Variants in SFT2D1 observed in about 807,000 individuals in gnomAD.
The protein encoded by SFT2D1 is vesicle transport protein SFT2A.
In SFT2D1, 24 loss-of-function variants were observed where a neutral mutation model predicts 28.1. The ratio of observed to expected loss-of-function variants is 0.85; its 90% CI spans 0.62 to 1.20. The LOEUF (loss-of-function observed/expected upper bound fraction) is 1.20. SFT2D1 is among the 50% of genes most tolerant of loss of function. The probability of loss-of-function intolerance (pLI) is 0.00; values close to 1 mark genes in which losing one functional copy is unlikely to be tolerated. For missense variants in SFT2D1, 181 were observed against 190.9 expected, an observed-to-expected ratio of 0.95 and a Z score of 0.31; for synonymous variants, 82 against 73.7, an observed-to-expected ratio of 1.11 and a Z score of -0.58.
chr6:166,338,047 C>T (rs1284788051), intron 1 of SFT2D1, among the ~76,000 whole-genome samples: 1 of 152,134 alleles, frequency 6.6e-6, no homozygotes, highest in Non-Finnish European at 1.5e-5. Context: ...CATGAGTGCA[C>T]CTTGATCTCT....
intron 1 of SFT2D1, among the ~76,000 whole-genome samples, chr6:166,339,694 C>G (rs534944489): frequency 6.6e-6 from 1 of 152,222 alleles, no homozygotes; most frequent in East Asian, 1.9e-4. Context: ...CATCCCCTTC[C>G]TAAAGCACTC....
chr6:166,322,473 C>T (rs986239530), intron 7 of SFT2D1, among the ~76,000 whole-genome samples: 4 of 151,868 alleles, frequency 2.6e-5, no homozygotes, highest in African/African-American at 9.7e-5. Context: ...GGTAGGATCA[C>T]AAAGTCAGGA....
intron 3 of SFT2D1, among the ~76,000 whole-genome samples, chr6:166,329,209 C>T (rs888518367): frequency 1.3e-5 from 2 of 152,102 alleles, no homozygotes; most frequent in African/African-American, 4.8e-5. Flanking sequence ...CAGTTATAAA[C>T]GGGGATGATA....
At chr6:166,324,256 C>A in intron 6 of SFT2D1, 1 of 325,212 alleles carries the variant, frequency 3.1e-6, no homozygotes, top group Non-Finnish European at 5.6e-6. Context: ...CATGGCATCA[C>A]CTACTTTTCT....
rs1410648717 is a variant in SFT2D1 at position 166,320,116 on chromosome 6, T to G, written c.*101A>C. On this transcript the variant is annotated 3_prime_UTR_variant, in exon 8 of 8. Transcript: ENST00000361731. ...GACTTAGTACAAAACGGTCTTCAAC[T>G]GTCACGTCAGTTGTTCCTGGAGTGT... 28 of 1,080,508 alleles carry G rather than the reference T, an allele frequency of 2.6e-5. No individual in the cohort carries two copies. The highest frequency in any genetic ancestry group is 4.2e-5 in the Admixed American group (2 of 47,074). The allele number at this position is 1,080,508 out of a possible 1,614,324, so 66.9% of individuals were successfully genotyped here.
intron 1 of SFT2D1, 24 bp downstream of exon 1, chr6:166,342,395 T>A: frequency 6.5e-7 from 1 of 1,545,802 alleles, no homozygotes; most frequent in Non-Finnish European, 8.7e-7. Context: ...GCCCCGGGAC[T>A]GGACGAGGGC....
intron 7 of SFT2D1, among the ~76,000 whole-genome samples, chr6:166,320,791 A>G (rs548205739): frequency 6.6e-6 from 1 of 152,142 alleles, no homozygotes; most frequent in East Asian, 1.9e-4. Context: ...TGCTGGGATT[A>G]CAGGGATGAG....
chr6:166,324,242 C>T (rs1396981214), intron 6 of SFT2D1: 2 of 287,964 alleles, frequency 6.9e-6, no homozygotes, highest in Non-Finnish European at 1.3e-5. Flanking sequence ...CTTTTATGTA[C>T]TCACATGGCA....
chr6:166,321,163 T>C (rs1457288439), intron 7 of SFT2D1, among the ~76,000 whole-genome samples: 1 of 152,164 alleles, frequency 6.6e-6, no homozygotes, highest in Non-Finnish European at 1.5e-5. Context: ...TGTTTATAAC[T>C]GAATCCTCAG....
chr6:166,320,511 A>C (rs2114885721), intron 7 of SFT2D1, among the ~76,000 whole-genome samples: 1 of 152,250 alleles, frequency 6.6e-6, no homozygotes, highest in African/African-American at 2.4e-5. Flanking sequence ...CAAAGAAATA[A>C]GTTTAAATAC....
intron 6 of SFT2D1, 156 bp downstream of exon 6, chr6:166,324,381 A>C: frequency 1.6e-6 from 1 of 623,632 alleles, no homozygotes; most frequent in South Asian, 2.2e-5. Flanking sequence ...TGTCAAGTGC[A>C]ACAGGACTCA....
chr6:166,320,313 C>A (rs749924904), intron 7 of SFT2D1, 57 bp from the exon 8 acceptor site: 2 of 1,443,410 alleles, frequency 1.4e-6, no homozygotes, highest in Non-Finnish European at 1.9e-6. Context: ...AGCAAAGTTG[C>A]GCAAAATGTT....
intron 5 of SFT2D1, among the ~76,000 whole-genome samples, chr6:166,325,685 C>T (rs1030331338): frequency 1.3e-5 from 2 of 152,226 alleles, no homozygotes; most frequent in Non-Finnish European, 2.9e-5. Flanking sequence ...TTCACCACAC[C>T]GGGCACTGTC....
chr6:166,335,421 T>C, intron 1 of SFT2D1: 1 of 566,026 alleles, frequency 1.8e-6, no homozygotes, highest in Non-Finnish European at 3.4e-6. Context: ...GGAGGAAACT[T>C]TGGAGGCAGA....
chr6:166,335,247 T>C (rs1366577372), intron 1 of SFT2D1: 4 of 591,478 alleles, frequency 6.8e-6, no homozygotes, highest in Non-Finnish European at 1.3e-5. Flanking sequence ...TCAGTGGTCA[T>C]GATGGCTTTG....
intron 1 of SFT2D1, among the ~76,000 whole-genome samples, chr6:166,340,482 G>A (rs184451035): frequency 4.6e-5 from 7 of 152,142 alleles, no homozygotes; most frequent in African/African-American, 1.2e-4. Context: ...TCTCTGCCCC[G>A]CTGCTAGAGC....
At chr6:166,342,195 A>C (rs1173535852) in intron 1 of SFT2D1, among the ~76,000 whole-genome samples, 1 of 135,500 alleles carries the variant, frequency 7.4e-6, no homozygotes, top group Non-Finnish European at 1.7e-5. Flanking sequence ...GCCAGATGGG[A>C]GAGTCGGGGG....
chr6:166,337,637 G>C (rs1181839554), intron 1 of SFT2D1, among the ~76,000 whole-genome samples: 2 of 152,046 alleles, frequency 1.3e-5, no homozygotes, highest in Non-Finnish European at 1.5e-5. Context: ...AGATAAGGTA[G>C]GTATACTTAC....
chr6:166,338,016 G>C (rs1778692529), intron 1 of SFT2D1, among the ~76,000 whole-genome samples: 1 of 152,158 alleles, frequency 6.6e-6, no homozygotes, highest in South Asian at 2.1e-4. Context: ...CACCAGGAAG[G>C]GGGAGGCCTC....
Sources: allele counts gnomAD v4.1 joint callset (sites outside exome capture counted in the v4.1 genomes callset), GRCh38; gene constraint gnomAD v4.1.1; transcripts MANE v1.5; gene names NCBI Gene and HGNC (gene_info 2026-07-23, HGNC 2026-07-21).